Variants in SLC9A7 observed in about 807,000 individuals in gnomAD.
SLC9A7 encodes sodium/hydrogen exchanger 7.
In SLC9A7, 19 loss-of-function variants were observed where a neutral mutation model predicts 52.6. The observed-to-expected ratio is 0.36, with a 90% confidence interval of 0.25 to 0.53. The LOEUF (loss-of-function observed/expected upper bound fraction) is 0.53, where lower values mean the gene tolerates loss of function less well. Among genes scored for constraint, SLC9A7 ranks in the 20% least tolerant of loss-of-function variants. SLC9A7 has a pLI of 0.91. For missense variants in SLC9A7, 455 were observed against 597.9 expected, an observed-to-expected ratio of 0.76 and a Z score of 2.49; for synonymous variants, 226 against 252.1, an observed-to-expected ratio of 0.90 and a Z score of 0.98.
At chrX:46,690,369 G>C (rs1944364932) in intron 1 of SLC9A7, among the ~76,000 whole-genome samples, 1 of 111,919 alleles carries the variant, frequency 8.9e-6, no homozygotes, top group Non-Finnish European at 1.9e-5. Flanking sequence ...GTACTTATTG[G>C]CAATCCTAAT....
intron 1 of SLC9A7, among the ~76,000 whole-genome samples, chrX:46,701,252 TAA>T (rs1039174572): frequency 3.6e-5 from 4 of 111,691 alleles, no homozygotes; most frequent in African/African-American, 1.3e-4. Context: ...GAGTTCAAAT[TAA>T]TTATCAAATA....
intron 16 of SLC9A7, among the ~76,000 whole-genome samples, chrX:46,610,387 G>A (rs1367335816): frequency 3.6e-5 from 4 of 112,480 alleles, no homozygotes; most frequent in Admixed American, 2.8e-4. Context: ...ACTTGGCAAA[G>A]TAGAAAACAC....
intron 1 of SLC9A7, among the ~76,000 whole-genome samples, chrX:46,727,602 C>T (rs1405681941): frequency 8.9e-6 from 1 of 112,048 alleles, no homozygotes; most frequent in African/African-American, 3.2e-5. Context: ...CACAATGTTC[C>T]CATAGCCATC....
intron 16 of SLC9A7, among the ~76,000 whole-genome samples, chrX:46,609,701 AAAAAC>A (rs1185854440): frequency 2.7e-5 from 3 of 110,083 alleles, no homozygotes; most frequent in East Asian, 5.7e-4. Flanking sequence ...CTCTGTCTCA[AAAAAC>A]AAAACAAAAC....
intron 1 of SLC9A7, among the ~76,000 whole-genome samples, chrX:46,752,376 T>C (rs1185480347): frequency 9.0e-6 from 1 of 111,696 alleles, no homozygotes; most frequent in East Asian, 2.8e-4. Flanking sequence ...ATAATTCATT[T>C]TCATGAACTA....
chrX:46,739,742 C>A (rs1921196937), intron 1 of SLC9A7, among the ~76,000 whole-genome samples: 1 of 111,630 alleles, frequency 9.0e-6, no homozygotes, highest in Non-Finnish European at 1.9e-5. Flanking sequence ...TCTTTTTCCC[C>A]AACTTTGCTG....
chrX:46,675,071 GT>G lies in SLC9A7; in HGVS notation c.604-2445del, dbSNP rs1944093937. Among the ~76,000 whole-genome samples the G allele has an allele frequency of 3.0e-4, 15 of 50,504 alleles. No individual in the cohort carries two copies. In the African/African-American group the frequency reaches 3.9e-3, roughly 13 times the overall value. The allele number at this position is 50,504 out of a possible 115,157, so 43.9% of individuals were successfully genotyped here. On this transcript the variant is annotated intron_variant, in intron 3 of 16. Coordinates refer to ENST00000616978, the MANE Select transcript of SLC9A7 (RefSeq NM_001257291.2). ...AGAGAGAGAGAGTGAATGTGTGTGT[GT>G]GTGTGTGTGTGTGTGTGTGTGTGTG...
At chrX:46,659,424 A>C (rs1186392619) in intron 7 of SLC9A7, among the ~76,000 whole-genome samples, 1 of 74,763 alleles carries the variant, frequency 1.3e-5, no homozygotes, top group Non-Finnish European at 2.5e-5. Flanking sequence ...GAAAAGAGGA[A>C]GTCAAATTGT....
chrX:46,655,356 T>C (rs907858828), intron 7 of SLC9A7, among the ~76,000 whole-genome samples: 1 of 111,553 alleles, frequency 9.0e-6, no homozygotes, highest in Non-Finnish European at 1.9e-5. Flanking sequence ...TTTATCATGA[T>C]TGGGGGAAGA....
intron 14 of SLC9A7, among the ~76,000 whole-genome samples, chrX:46,629,700 C>T (rs1287117143): frequency 9.0e-6 from 1 of 111,673 alleles, no homozygotes; most frequent in African/African-American, 3.3e-5. Context: ...TTAATCTAGA[C>T]TGGCCACAGT....
intron 13 of SLC9A7, among the ~76,000 whole-genome samples, chrX:46,632,933 C>T (rs990569548): frequency 9.1e-6 from 1 of 110,113 alleles, no homozygotes; most frequent in African/African-American, 3.3e-5. Context: ...TATAAAAGCA[C>T]CAGGGCAGTT....
chrX:46,661,143 A>G (rs1943811489), intron 7 of SLC9A7, among the ~76,000 whole-genome samples: 1 of 107,901 alleles, frequency 9.3e-6, no homozygotes, highest in South Asian at 4.1e-4. Context: ...AACGCTGCAT[A>G]TTCTCACTCA....
chrX:46,622,152 G>T (rs1045929056), intron 14 of SLC9A7, among the ~76,000 whole-genome samples: 1 of 111,643 alleles, frequency 9.0e-6, no homozygotes, highest in East Asian at 2.8e-4. Context: ...GAATCCCCTC[G>T]GTATTTCAGG....
At chrX:46,719,813 T>C (rs1944830769) in intron 1 of SLC9A7, among the ~76,000 whole-genome samples, 1 of 111,641 alleles carries the variant, frequency 9.0e-6, no homozygotes, top group African/African-American at 3.3e-5. Flanking sequence ...GCATTCCATA[T>C]ATGAGTAGCT....
chrX:46,691,260 C>A (rs769774878), intron 1 of SLC9A7, among the ~76,000 whole-genome samples: 1 of 112,215 alleles, frequency 8.9e-6, no homozygotes, highest in Non-Finnish European at 1.9e-5. Context: ...TTCCTACATG[C>A]TTGTTATCTT....
intron 13 of SLC9A7, 148 bp from the exon 14 acceptor site, chrX:46,631,797 T>C (rs755750174): frequency 1.7e-4 from 80 of 461,631 alleles, no homozygotes; most frequent in Non-Finnish European, 2.6e-4. Flanking sequence ...AAAGCTGTCA[T>C]GCAGAAGTCA....
intron 7 of SLC9A7, among the ~76,000 whole-genome samples, chrX:46,655,727 A>G (rs1737913819): frequency 8.9e-6 from 1 of 112,828 alleles, no homozygotes; most frequent in Admixed American, 9.3e-5. Context: ...ACGTACACCC[A>G]TGGAGTCTCG....
At chrX:46,683,933 A>G (rs1944251807) in intron 1 of SLC9A7, among the ~76,000 whole-genome samples, 1 of 112,276 alleles carries the variant, frequency 8.9e-6, no homozygotes, top group Non-Finnish European at 1.9e-5. Context: ...TATCACCAAG[A>G]TATATAAGAA....
intron 15 of SLC9A7, among the ~76,000 whole-genome samples, chrX:46,618,787 T>C (rs1349569785): frequency 9.1e-6 from 1 of 110,455 alleles, no homozygotes; most frequent in Non-Finnish European, 1.9e-5. Flanking sequence ...CTACTAAAAA[T>C]ACAAAAATTA....
Sources: allele counts gnomAD v4.1 joint callset (sites outside exome capture counted in the v4.1 genomes callset), GRCh38; gene constraint gnomAD v4.1.1; transcripts MANE v1.5; gene names NCBI Gene and HGNC (gene_info 2026-07-23, HGNC 2026-07-21).